Variants in GRM3 observed in about 807,000 individuals in gnomAD.
GRM3 encodes the protein glutamate metabotropic receptor 3.
GRM3 carries 26 observed loss-of-function variants against 70.5 expected under a neutral mutation model. The ratio of observed to expected loss-of-function variants is 0.37; its 90% CI spans 0.27 to 0.51. The LOEUF (loss-of-function observed/expected upper bound fraction) is 0.51. GRM3 is among the 20% of genes least tolerant of loss of function. GRM3 has a pLI of 0.93. For missense variants in GRM3, 859 were observed against 1,123.8 expected (o/e 0.76, Z 3.37); for synonymous variants, 443 against 434.9 (o/e 1.02, Z -0.23).
At chr7:86,766,273 C>T (rs1796598603) in intron 2 of GRM3, among the ~76,000 whole-genome samples, 1 of 151,846 alleles carries the variant, frequency 6.6e-6, no homozygotes, top group Admixed American at 6.6e-5. Flanking sequence ...CCATTATTCC[C>T]ACTAATTTTT....
Position 86,765,112 on chromosome 7 carries a change from A to T in GRM3, c.-34A>T. The T allele has an allele frequency of 6.5e-7, 1 of 1,531,130 alleles. No homozygotes were observed. The highest frequency in any genetic ancestry group is 8.7e-7 in the Non-Finnish European group (1 of 1,145,822). 94.8% of individuals were successfully genotyped at this position (1,531,130 alleles called of 1,614,324 possible). ...ACTAGCATGACACATTGGCTCCACC[A>T]TTGATATCTCCCAGAGGTACAGAAA... On this transcript the variant is annotated 5_prime_UTR_variant, in exon 2 of 6. Transcript: ENST00000361669.
chr7:86,724,102 A>G (rs1795536543), intron 1 of GRM3, among the ~76,000 whole-genome samples: 1 of 152,186 alleles, frequency 6.6e-6, no homozygotes, highest in Non-Finnish European at 1.5e-5. Context: ...TGGGATCACT[A>G]ACATTTCAAT....
chr7:86,864,263 G>A lies in GRM3; in HGVS notation c.2567-19G>A, dbSNP rs1799019336. On this transcript the variant is annotated intron_variant, in intron 5 of 5. Coordinates refer to ENST00000361669, the MANE Select transcript of GRM3 (RefSeq NM_000840.3). Reference sequence around the variant, plus strand: ...CCACTTGACTAACTTTGAGTTTTCTGTCCCACTTTGTTTTCCAGCCTCTGC... The same window carrying A: ...CCACTTGACTAACTTTGAGTTTTCTATCCCACTTTGTTTTCCAGCCTCTGC... The A allele has an allele frequency of 7.5e-7, 1 of 1,328,308 alleles. No individual in the cohort carries two copies. The highest frequency in any genetic ancestry group is 1.1e-6 in the Non-Finnish European group (1 of 919,272). 82.3% of individuals were successfully genotyped at this position (1,328,308 alleles called of 1,614,324 possible).
chr7:86,769,538 T>A (rs1584227931), intron 2 of GRM3, among the ~76,000 whole-genome samples: 1 of 152,142 alleles, frequency 6.6e-6, no homozygotes, highest in Admixed American at 6.6e-5. Context: ...AAGTGCTTTC[T>A]CTCCAGCTTC....
chr7:86,644,912 C>T, intron 1 of GRM3, 40 bp downstream of exon 1: 3 of 1,180,518 alleles, frequency 2.5e-6, no homozygotes, highest in Non-Finnish European at 3.4e-6. Context: ...CTGGAGGGCG[C>T]CCAGCCAGGG....
Position 86,765,141 on chromosome 7 carries a change from G to A in GRM3, c.-5G>A. On this transcript the variant is annotated 5_prime_UTR_variant, in exon 2 of 6. Coordinates refer to ENST00000361669, the MANE Select transcript of GRM3 (RefSeq NM_000840.3). ...ATATCTCCCAGAGGTACAGAAACAG[G>A]ATTCATGAAGATGTTGACAAGACTG... The A allele has an allele frequency of 6.4e-7, 1 of 1,561,466 alleles. No homozygotes were observed.
At chr7:86,712,090 C>T (rs1795212579) in intron 1 of GRM3, among the ~76,000 whole-genome samples, 1 of 152,032 alleles carries the variant, frequency 6.6e-6, no homozygotes, top group South Asian at 2.1e-4. Flanking sequence ...CAGAGGTAGT[C>T]TTAACTTCTC....
chr7:86,706,568 C>T (rs1236094948), intron 1 of GRM3, among the ~76,000 whole-genome samples: 7 of 151,846 alleles, frequency 4.6e-5, no homozygotes, highest in African/African-American at 1.5e-4. Flanking sequence ...GAGGACACTA[C>T]AAATCAAGGA....
rs538790318 is a variant in GRM3 at position 86,801,034 on chromosome 7, T to C, written c.1324+13918T>C. ...ACAAGTTGGCTAGCAACTAGTCTCA[T>C]CTTTTATGTTTTACCACGGCAAACT... On this transcript the variant is annotated intron_variant, in intron 3 of 5. Coordinates refer to ENST00000361669, the MANE Select transcript of GRM3 (RefSeq NM_000840.3). Among the ~76,000 whole-genome samples, 126 of 151,776 alleles carry C rather than the reference T, an allele frequency of 8.3e-4. 1 individual carries two copies. The highest frequency in any genetic ancestry group is 2.9e-3 in the African/African-American group (119 of 41,438).
At chr7:86,756,126 T>C (rs1796338429) in intron 1 of GRM3, among the ~76,000 whole-genome samples, 1 of 152,188 alleles carries the variant, frequency 6.6e-6, no homozygotes, top group African/African-American at 2.4e-5. Flanking sequence ...GCCCCCAGAC[T>C]GGAGTGCAAT....
intron 3 of GRM3, among the ~76,000 whole-genome samples, chr7:86,805,969 A>G (rs1322232153): frequency 1.3e-5 from 2 of 149,618 alleles, no homozygotes; most frequent in Non-Finnish European, 1.5e-5. Context: ...TCATTGTTCA[A>G]TTCCCACCTA....
chr7:86,823,565 G>T (rs1026478842), intron 3 of GRM3, among the ~76,000 whole-genome samples: 1 of 143,754 alleles, frequency 7.0e-6, no homozygotes, highest in Admixed American at 7.1e-5. Context: ...GAAATTCAGC[G>T]GTTAGCTGTG....
chr7:86,746,371 ATAT>A (rs1796105784), intron 1 of GRM3, among the ~76,000 whole-genome samples: 1 of 142,676 alleles, frequency 7.0e-6, no homozygotes, highest in Admixed American at 7.0e-5. Context: ...ATATATATAT[ATAT>A]AATCACTTCA....
At chr7:86,737,236 C>G (rs1380313526) in intron 1 of GRM3, among the ~76,000 whole-genome samples, 1 of 152,192 alleles carries the variant, frequency 6.6e-6, no homozygotes, top group Non-Finnish European at 1.5e-5. Context: ...TTAATAAGTG[C>G]TTTCTAAGGG....
chr7:86,796,570 TA>T (rs1797555949), intron 3 of GRM3, among the ~76,000 whole-genome samples: 1 of 152,190 alleles, frequency 6.6e-6, no homozygotes, highest in African/African-American at 2.4e-5. Context: ...ATATTAATTT[TA>T]AAGTAGTTTC....
rs776739665 is a variant in GRM3, at chr7:86,839,882, T to C, written c.2368T>C (p.Tyr790His). 1 of 1,592,968 alleles carries C rather than the reference T, an allele frequency of 6.3e-7. No individual in the cohort carries two copies. The highest frequency in any genetic ancestry group is 8.6e-7 in the Non-Finnish European group (1 of 1,160,610). Residue 790 changes from tyrosine to histidine, a missense_variant, in exon 4 of 6, where the codon TAT becomes CAT. Coordinates refer to ENST00000361669, the MANE Select transcript of GRM3 (RefSeq NM_000840.3). This position sits in a 1 kb window ranked among gnomAD's most constrained non-coding sequence, Gnocchi z 4.5. ...IIWLAFLPIF[Y>H]VTSSDYRVQT... ...CTGGTTGGCCTTCCTCCCTATATTT[T>C]ATGTGACATCAAGTGACTACAGAGT...
intron 1 of GRM3, among the ~76,000 whole-genome samples, chr7:86,730,394 T>G (rs942119542): frequency 2.0e-5 from 3 of 152,240 alleles, no homozygotes; most frequent in Non-Finnish European, 4.4e-5. Flanking sequence ...CACTCCAGCC[T>G]GGGCGTCAAG....
intron 3 of GRM3, among the ~76,000 whole-genome samples, chr7:86,791,900 T>G (rs1471451722): frequency 6.6e-6 from 1 of 152,186 alleles, no homozygotes; most frequent in Non-Finnish European, 1.5e-5. Flanking sequence ...TTCAAATCAT[T>G]TTTTAATTGT....
intron 1 of GRM3, among the ~76,000 whole-genome samples, chr7:86,739,125 C>T (rs1312403909): frequency 3.3e-5 from 5 of 152,072 alleles, no homozygotes; most frequent in South Asian, 4.1e-4. Flanking sequence ...CTACAGGCAC[C>T]GCCATTATGC....
Sources: allele counts gnomAD v4.1 joint callset (sites outside exome capture counted in the v4.1 genomes callset), GRCh38; gene constraint gnomAD v4.1.1; non-coding constraint Gnocchi (gnomAD v3.1); transcripts MANE v1.5; gene names NCBI Gene and HGNC (gene_info 2026-07-23, HGNC 2026-07-21).